Variants in CNTNAP2 observed in about 807,000 individuals in gnomAD.
CNTNAP2 encodes the protein contactin-associated protein-like 2.
Under a neutral mutation model 155.2 loss-of-function variants are expected in CNTNAP2, and 98 were observed. The ratio of observed to expected loss-of-function variants is 0.63; its 90% CI spans 0.54 to 0.75. CNTNAP2 has a LOEUF of 0.75. CNTNAP2 is among the 30% of genes least tolerant of loss of function. The pLI is 0.00. For synonymous variants in CNTNAP2, 651 were observed against 631.2 expected, an observed-to-expected ratio of 1.03 and a Z score of -0.47; for missense variants, 1,727 against 1,688.1, an observed-to-expected ratio of 1.02 and a Z score of -0.40.
At chr7:146,245,283 G>T (rs1301933407) in intron 1 of CNTNAP2, among the ~76,000 whole-genome samples, 3 of 152,168 alleles carry the variant, frequency 2.0e-5, no homozygotes, top group Non-Finnish European at 4.4e-5. Context: ...GTCCGGGCCA[G>T]GAACAATGGT....
At chr7:146,534,098 T>A (rs1797811421) in intron 1 of CNTNAP2, among the ~76,000 whole-genome samples, 1 of 152,148 alleles carries the variant, frequency 6.6e-6, no homozygotes, top group Non-Finnish European at 1.5e-5. Context: ...TATCAGAGGA[T>A]AATCAAATGA....
intron 3 of CNTNAP2, among the ~76,000 whole-genome samples, chr7:146,844,324 T>C (rs1470764209): frequency 6.6e-6 from 1 of 152,132 alleles, no homozygotes; most frequent in East Asian, 1.9e-4. Flanking sequence ...CATTCCTCTT[T>C]GATGATACTG....
chr7:148,299,410 G>A (rs1479790535), intron 21 of CNTNAP2, among the ~76,000 whole-genome samples: 3 of 152,218 alleles, frequency 2.0e-5, no homozygotes, highest in Non-Finnish European at 2.9e-5. Context: ...ATTTCGCCTG[G>A]ACCAGAGAAA....
intron 1 of CNTNAP2, among the ~76,000 whole-genome samples, chr7:146,648,006 A>G (rs1175806296): frequency 6.6e-6 from 1 of 152,068 alleles, no homozygotes; most frequent in East Asian, 1.9e-4. Context: ...CACAATTCTT[A>G]TCCCATCAGA....
intron 10 of CNTNAP2, among the ~76,000 whole-genome samples, chr7:147,468,550 T>G (rs1234531260): frequency 1.3e-5 from 2 of 152,214 alleles, no homozygotes; most frequent in Non-Finnish European, 2.9e-5. Context: ...TTCTGATAGA[T>G]GAGATTATGT....
At chr7:146,830,033 T>G (rs1331179584) in intron 2 of CNTNAP2, among the ~76,000 whole-genome samples, 1 of 152,094 alleles carries the variant, frequency 6.6e-6, no homozygotes, top group Non-Finnish European at 1.5e-5. Flanking sequence ...TGAATATTTT[T>G]GTTATAGGTT....
chr7:148,148,918 T>C (rs1805245935), intron 17 of CNTNAP2, among the ~76,000 whole-genome samples: 1 of 152,220 alleles, frequency 6.6e-6, no homozygotes, highest in African/African-American at 2.4e-5. Context: ...ATCAGCCCTT[T>C]CCAAATCCTT....
At chr7:147,156,830 C>T (rs1348191377) in intron 8 of CNTNAP2, among the ~76,000 whole-genome samples, 1 of 152,088 alleles carries the variant, frequency 6.6e-6, no homozygotes, top group Non-Finnish European at 1.5e-5. Flanking sequence ...ATGGCATCTT[C>T]CTAGAGGAGA....
intron 10 of CNTNAP2, among the ~76,000 whole-genome samples, chr7:147,405,056 T>C (rs560451420): frequency 3.3e-5 from 5 of 152,194 alleles, no homozygotes; most frequent in Non-Finnish European, 7.3e-5. Flanking sequence ...GAAAACTATA[T>C]TTGCTTTTGG....
intron 1 of CNTNAP2, among the ~76,000 whole-genome samples, chr7:146,629,646 T>G (rs915142140): frequency 3.3e-5 from 5 of 152,180 alleles, no homozygotes; most frequent in Admixed American, 1.3e-4. Flanking sequence ...AAATATATAT[T>G]TGTTAGGTTA....
rs191350586 is a variant in CNTNAP2 at position 147,332,580 on chromosome 7, C to T, written c.1498+32290C>T. Among the ~76,000 whole-genome samples the T allele has an allele frequency of 9.8e-4, 149 of 152,110 alleles. 1 individual carries two copies. The highest frequency in any genetic ancestry group is 2.9e-3 in the Admixed American group (44 of 15,254). ...AAAATAATTCTAATACAGTAATTATCAGGTCGAGCATGGTGGCTCATGCCT... is the reference window on the plus strand; with the variant it reads ...AAAATAATTCTAATACAGTAATTATTAGGTCGAGCATGGTGGCTCATGCCT... On this transcript the variant is annotated intron_variant, in intron 9 of 23. Coordinates refer to ENST00000361727, the MANE Select transcript of CNTNAP2 (RefSeq NM_014141.6).
intron 3 of CNTNAP2, among the ~76,000 whole-genome samples, chr7:147,004,388 G>T (rs12669418): frequency 0.21 from 32,179 of 151,718 alleles, 4,971 homozygotes; most frequent in African/African-American, 0.43. Context: ...AATTGACCTT[G>T]TAGAAAAATG....
intron 21 of CNTNAP2, among the ~76,000 whole-genome samples, chr7:148,308,829 T>G (rs1354694882): frequency 6.6e-6 from 1 of 151,954 alleles, no homozygotes; most frequent in Non-Finnish European, 1.5e-5. Flanking sequence ...ATGCAGTGTT[T>G]GGTTTTCTGT....
At chr7:148,313,192 G>A (rs1426251040) in intron 21 of CNTNAP2, among the ~76,000 whole-genome samples, 8 of 151,114 alleles carry the variant, frequency 5.3e-5, no homozygotes, top group Non-Finnish European at 1.0e-4. Context: ...AGAAGGTAAT[G>A]TGGAGTGGGT....
intron 1 of CNTNAP2, among the ~76,000 whole-genome samples, chr7:146,619,622 TA>T (rs772060661): frequency 3.2e-4 from 48 of 152,206 alleles, no homozygotes; most frequent in Non-Finnish European, 5.9e-4. Context: ...GTGACTATAA[TA>T]AATTATAAAT....
chr7:146,424,671 C>T (rs1048005256), intron 1 of CNTNAP2, among the ~76,000 whole-genome samples: 3 of 150,832 alleles, frequency 2.0e-5, no homozygotes, highest in African/African-American at 7.3e-5. Context: ...GAACTATTTA[C>T]CCTTCAAGTT....
At chr7:146,721,809 A>ATAT (rs1801332745) in intron 1 of CNTNAP2, among the ~76,000 whole-genome samples, 1 of 121,992 alleles carries the variant, frequency 8.2e-6, no homozygotes, top group Non-Finnish European at 1.6e-5. Flanking sequence ...GACTATATAT[A>ATAT]GTCTATATAT....
intron 1 of CNTNAP2, among the ~76,000 whole-genome samples, chr7:146,433,059 A>G (rs567754053): frequency 1.3e-5 from 2 of 152,208 alleles, no homozygotes; most frequent in African/African-American, 4.8e-5. Context: ...CTCCTAAACT[A>G]AGAAGTGTCT....
At chr7:146,783,694 C>G (rs935144402) in intron 2 of CNTNAP2, among the ~76,000 whole-genome samples, 2 of 152,146 alleles carry the variant, frequency 1.3e-5, no homozygotes, top group Non-Finnish European at 2.9e-5. Context: ...GAAATCTGTG[C>G]TAGGTTTTGT....
Sources: allele counts gnomAD v4.1 joint callset (sites outside exome capture counted in the v4.1 genomes callset), GRCh38; gene constraint gnomAD v4.1.1; transcripts MANE v1.5; gene names NCBI Gene and HGNC (gene_info 2026-07-23, HGNC 2026-07-21).